The following UGGT2 variants were observed in gnomAD, a reference collection of about 807,000 sequenced individuals.
UGGT2 encodes the protein UDP-glucose:glycoprotein glucosyltransferase 2.
A neutral mutation model predicts 192.1 loss-of-function variants in UGGT2; 180 were observed. The ratio of observed to expected loss-of-function variants is 0.94; its 90% CI spans 0.83 to 1.06. UGGT2 has a LOEUF of 1.06. UGGT2 is among the 50% of genes least tolerant of loss of function. UGGT2 has a pLI of 0.00. For missense variants in UGGT2, 1,849 were observed against 1,795.7 expected (o/e 1.03, Z -0.54); for synonymous variants, 580 against 591.0 (o/e 0.98, Z 0.27).
chr13:96,018,684 G>A (rs935411466), intron 4 of UGGT2, among the ~76,000 whole-genome samples: 1 of 150,652 alleles, frequency 6.6e-6, no homozygotes, highest in African/African-American at 2.4e-5. Flanking sequence ...TTGGGACAAT[G>A]AGAATATCAC....
chr13:95,807,196 G>A (rs1468844743), intron 38 of UGGT2, among the ~76,000 whole-genome samples: 3 of 152,172 alleles, frequency 2.0e-5, no homozygotes, highest in Admixed American at 1.3e-4. Context: ...AATCATAAGA[G>A]AAAATATACC....
chr13:95,990,069 T>C lies in UGGT2; in HGVS notation c.835A>G (p.Ile279Val), dbSNP rs2051409622. The C allele has an allele frequency of 1.3e-6, 2 of 1,588,102 alleles. No homozygotes were observed. Among genetic ancestry groups the C allele is most frequent in the Non-Finnish European group, 1.7e-6 (2 of 1,165,516 alleles). ...AGATTATCTCTAAGATCTGAATATA[T>C]TTCTCTGCATCAAAATATTAAGTGA... Reference protein sequence around the residue: ...QGFLFGKLKEIYSDLRDNLTA... With the variant: ...QGFLFGKLKEVYSDLRDNLTA... The change falls in exon 8 of 39, where the codon ATA becomes GTA. Residue 279 changes from isoleucine (I) to valine (V), a missense_variant. Ile to Val is a conservative substitution (Grantham distance 29). Transcript: ENST00000376747.
chr13:96,029,972 C>A (rs1174990877), intron 2 of UGGT2, among the ~76,000 whole-genome samples: 1 of 151,976 alleles, frequency 6.6e-6, no homozygotes, highest in Non-Finnish European at 1.5e-5. Flanking sequence ...ACCATGAAAA[C>A]CTTACATATT....
intron 38 of UGGT2, among the ~76,000 whole-genome samples, chr13:95,818,123 T>G (rs895319535): frequency 6.6e-6 from 1 of 152,114 alleles, no homozygotes; most frequent in African/African-American, 2.4e-5. Flanking sequence ...CCCCGGGCAA[T>G]GCAGTGAGCC....
intron 20 of UGGT2, among the ~76,000 whole-genome samples, chr13:95,904,230 T>C (rs1284527163): frequency 3.9e-5 from 6 of 152,148 alleles, no homozygotes; most frequent in Non-Finnish European, 7.4e-5. Flanking sequence ...TGATGGCTAC[T>C]GTGTTTTGGG....
intron 5 of UGGT2, among the ~76,000 whole-genome samples, chr13:96,001,993 GTTAA>G (rs1399734584): frequency 2.6e-5 from 4 of 152,172 alleles, no homozygotes; most frequent in Admixed American, 6.5e-5. Context: ...AAAAATATGT[GTTAA>G]TTGACTGTTT....
chr13:96,014,933 TTTTAA>T (rs1440502608), intron 4 of UGGT2, among the ~76,000 whole-genome samples: 2 of 152,170 alleles, frequency 1.3e-5, no homozygotes, highest in African/African-American at 4.8e-5. Flanking sequence ...GAATCTTAAA[TTTTAA>T]TTTAAGCCTG....
intron 12 of UGGT2, among the ~76,000 whole-genome samples, chr13:95,969,227 A>G (rs2050687688): frequency 6.6e-6 from 1 of 152,188 alleles, no homozygotes; most frequent in Non-Finnish European, 1.5e-5. Flanking sequence ...ACATTGTCAT[A>G]TATCACATTA....
chr13:95,954,610 T>G (rs1378258145), intron 12 of UGGT2, among the ~76,000 whole-genome samples: 1 of 152,222 alleles, frequency 6.6e-6, no homozygotes, highest in Non-Finnish European at 1.5e-5. Flanking sequence ...AGATAACAAC[T>G]CAGCCAACTA....
At chr13:95,953,257 T>C (rs2050120467) in intron 12 of UGGT2, among the ~76,000 whole-genome samples, 1 of 152,256 alleles carries the variant, frequency 6.6e-6, no homozygotes, top group Non-Finnish European at 1.5e-5. Flanking sequence ...CTTTGTTCCC[T>C]TCATGCTACG....
chr13:95,804,587 C>T (rs1029141250), intron 38 of UGGT2, among the ~76,000 whole-genome samples: 48 of 152,056 alleles, frequency 3.2e-4, no homozygotes, highest in Non-Finnish European at 8.8e-5. Flanking sequence ...AGTATGGTCC[C>T]GGCATAAAGA....
chr13:95,948,209 T>A, intron 13 of UGGT2, 128 bp from the exon 14 acceptor site: 2 of 505,944 alleles, frequency 4.0e-6, no homozygotes. Flanking sequence ...TTCTAGCAAT[T>A]CTAAGGAATA....
intron 36 of UGGT2, among the ~76,000 whole-genome samples, chr13:95,838,185 T>C (rs1475127885): frequency 6.6e-6 from 1 of 152,176 alleles, no homozygotes; most frequent in Non-Finnish European, 1.5e-5. Flanking sequence ...ATTTGAAATT[T>C]AAGAAAACAC....
intron 6 of UGGT2, among the ~76,000 whole-genome samples, chr13:95,998,146 G>A (rs2051684711): frequency 6.6e-6 from 1 of 152,154 alleles, no homozygotes; most frequent in African/African-American, 2.4e-5. Context: ...ACTGCACTAA[G>A]GAGTGGCAAC....
rs982955705 is a variant in UGGT2, at chr13:96,053,389, C to T, written c.-77G>A. On this transcript the variant is annotated 5_prime_UTR_variant, in exon 1 of 39. Transcript: ENST00000376747. Reference sequence around the variant, plus strand: ...GCCGCCACGCTTCGGCCGGCTCTTCCCGCTGCGCGGCTGCCCACTTCCGGT... The same window carrying T: ...GCCGCCACGCTTCGGCCGGCTCTTCTCGCTGCGCGGCTGCCCACTTCCGGT... 4.2e-5 allele frequency: 64 copies of T among 1,513,586 alleles called. No homozygotes were observed. The highest frequency in any genetic ancestry group is 4.8e-5 in the Non-Finnish European group (55 of 1,140,224). The allele number at this position is 1,513,586 out of a possible 1,614,324, so 93.8% of individuals were successfully genotyped here.
rs779101377 is a variant in UGGT2 at position 95,877,389 on chromosome 13, CATT to C, written c.3388-28_3388-26del. The C allele has an allele frequency of 1.9e-6, 3 of 1,565,446 alleles. No homozygotes were observed. In the South Asian group the frequency reaches 3.6e-5, roughly 19 times the overall value. ...CCTTTTAAGATGAGAAAAAAATAATCATTGAGTAATATGACTAAAAACCATCGA... is the reference window on the plus strand; with the variant it reads ...CCTTTTAAGATGAGAAAAAAATAATCGAGTAATATGACTAAAAACCATCGA... On this transcript the variant is annotated intron_variant, in intron 28 of 38. Coordinates refer to ENST00000376747, the MANE Select transcript of UGGT2 (RefSeq NM_020121.4).
intron 20 of UGGT2, among the ~76,000 whole-genome samples, chr13:95,921,435 C>G (rs375498074): frequency 4.6e-5 from 7 of 151,520 alleles, no homozygotes; most frequent in African/African-American, 1.7e-4. Flanking sequence ...TGTTAGCATG[C>G]CTCTCCCACT....
chr13:95,927,372 C>T (rs752607968), intron 17 of UGGT2, 36 bp from the exon 18 acceptor site: 12 of 1,524,988 alleles, frequency 7.9e-6, no homozygotes, highest in African/African-American at 4.2e-5. Flanking sequence ...ATAATACAGG[C>T]AATTTATATC....
In UGGT2 at chr13:95,832,974, T is replaced by C. The variant is rs939917062; in HGVS notation, c.4481A>G (p.Glu1494Gly). 6.2e-7 allele frequency: 1 copy of C among 1,612,986 alleles called. No homozygotes were observed. The highest frequency in any genetic ancestry group is 1.1e-5 in the South Asian group (1 of 91,038). Residue 1494 changes from glutamate (E) to glycine (G), a missense_variant, in exon 38 of 39, where the codon GAG (glutamate) becomes GGG (glycine). By Grantham distance (98) the Glu-to-Gly change is moderately conservative. Transcript: ENST00000376747. ...IVPEWVEYDA[E>G]IRQLLDHLEN... The stretch of plus-strand genomic sequence containing the variant: ...AAGATGATCTAATAGTTGTCTTATC[T>C]CAGCATCATACTCCACCCATTCTGG...
Sources: allele counts gnomAD v4.1 joint callset (sites outside exome capture counted in the v4.1 genomes callset), GRCh38; gene constraint gnomAD v4.1.1; transcripts MANE v1.5; gene names NCBI Gene and HGNC (gene_info 2026-07-23, HGNC 2026-07-21).